PLA2G4A: variants seen among roughly 807,000 people sequenced by gnomAD.
PLA2G4A encodes phospholipase A2 group IVA, also known as cytosolic phospholipase A2.
Under a neutral mutation model 81.9 loss-of-function variants are expected in PLA2G4A, and 40 were observed. That is an observed-to-expected ratio of 0.49 (90% CI 0.38 to 0.64). The LOEUF (loss-of-function observed/expected upper bound fraction) is 0.64. Ranked by LOEUF, PLA2G4A falls within the 30% of genes least tolerant of loss-of-function variation. The pLI is 0.00. For synonymous variants in PLA2G4A, 302 were observed against 296.9 expected (o/e 1.02, Z -0.18); for missense variants, 715 against 905.1 (o/e 0.79, Z 2.69).
intron 14 of PLA2G4A, among the ~76,000 whole-genome samples, chr1:186,963,956 T>C (rs12720657): frequency 7.2e-5 from 11 of 152,224 alleles, no homozygotes; most frequent in Non-Finnish European, 1.0e-4. Context: ...TTGCTTTCCT[T>C]TTTGATTTCA....
rs1007896367 is a variant in PLA2G4A at position 186,891,533 on chromosome 1, A to T, written c.116-1478A>T. Among the ~76,000 whole-genome samples, 4 of 151,708 alleles carry T rather than the reference A, an allele frequency of 2.6e-5. No homozygotes were observed. In the South Asian group the frequency reaches 8.3e-4, roughly 32 times the overall value. Reference sequence around the variant, plus strand: ...TCAACTGTTTTGATTCTTAGATCCCACAAATAAGTGAGAATATGTGCTGTT... The same window carrying T: ...TCAACTGTTTTGATTCTTAGATCCCTCAAATAAGTGAGAATATGTGCTGTT... On this transcript the variant is annotated intron_variant, in intron 3 of 17. Transcript: ENST00000367466.
At position 186,956,167 on chromosome 1, in the gene PLA2G4A, A is replaced by G. The variant is rs766202632; in HGVS notation, c.1402A>G (p.Met468Val). The G allele has an allele frequency of 2.5e-6, 4 of 1,613,432 alleles. No homozygotes were observed. In the Admixed American group the frequency reaches 5.0e-5, roughly 20 times the overall value. The change falls in exon 14 of 18, where the codon ATG (methionine) becomes GTG (valine). Residue 468 changes from methionine to valine, a missense_variant. Physicochemically the swap from Met to Val is conservative, Grantham distance 21. Transcript: ENST00000367466. ...SDNQASWIHR[M>V]IMALVSDSAL... is the part of the protein sequence containing the mutation. Reference sequence around the variant, plus strand: ...TAATCAAGCAAGTTGGATTCATCGTATGATAATGGCCTTGGTGAGTGATTC... The same window carrying G: ...TAATCAAGCAAGTTGGATTCATCGTGTGATAATGGCCTTGGTGAGTGATTC...
chr1:186,909,364 T>TA (rs12720560), intron 6 of PLA2G4A, among the ~76,000 whole-genome samples: 87,575 of 150,450 alleles, frequency 0.58, 27,617 homozygotes, highest in African/African-American at 0.83. Context: ...AGATTAGACT[T>TA]AAAAGTGTTC....
intron 5 of PLA2G4A, among the ~76,000 whole-genome samples, chr1:186,897,866 T>G (rs1654391961): frequency 6.6e-6 from 1 of 152,180 alleles, no homozygotes; most frequent in Non-Finnish European, 1.5e-5. Context: ...TATATGGGTA[T>G]GTTGCATGAT....
At chr1:186,939,276 A>T in intron 9 of PLA2G4A, 46 bp downstream of exon 9, 1 of 799,488 alleles carries the variant, frequency 1.3e-6, no homozygotes. Flanking sequence ...AAGTAGACAG[A>T]ACATATTATA....
chr1:186,838,354 A>T (rs1198055741), intron 1 of PLA2G4A, among the ~76,000 whole-genome samples: 1 of 152,228 alleles, frequency 6.6e-6, no homozygotes, highest in Non-Finnish European at 1.5e-5. Flanking sequence ...CCAGTGCACT[A>T]AGCAAAACAA....
At chr1:186,937,709 C>T (rs1367330266) in intron 8 of PLA2G4A, among the ~76,000 whole-genome samples, 1 of 141,180 alleles carries the variant, frequency 7.1e-6, no homozygotes, top group African/African-American at 2.8e-5. Flanking sequence ...TCTCTAACAA[C>T]TGAAGTCTTG....
intron 6 of PLA2G4A, among the ~76,000 whole-genome samples, chr1:186,909,517 A>G (rs1479238973): frequency 2.0e-5 from 3 of 151,176 alleles, no homozygotes; most frequent in Admixed American, 2.0e-4. Context: ...AAAATTAGCC[A>G]GGTGTATTGG....
chr1:186,833,804 C>T (rs1360149345), intron 1 of PLA2G4A, among the ~76,000 whole-genome samples: 2 of 152,142 alleles, frequency 1.3e-5, no homozygotes, highest in East Asian at 1.9e-4. Context: ...TGTAAAGCTA[C>T]CCTACCAGTC....
At chr1:186,881,351 G>A (rs536679894) in intron 3 of PLA2G4A, among the ~76,000 whole-genome samples, 7 of 152,192 alleles carry the variant, frequency 4.6e-5, no homozygotes, top group East Asian at 1.9e-4. Context: ...CCACATTTGA[G>A]TTCCTAGGCA....
At chr1:186,847,660 T>G (rs1023859678) in intron 1 of PLA2G4A, among the ~76,000 whole-genome samples, 1 of 152,094 alleles carries the variant, frequency 6.6e-6, no homozygotes, top group Non-Finnish European at 1.5e-5. Context: ...TTCACAGTTA[T>G]AAAAGCATTG....
At chr1:186,938,039 C>A (rs1373944139) in intron 8 of PLA2G4A, among the ~76,000 whole-genome samples, 1 of 152,006 alleles carries the variant, frequency 6.6e-6, no homozygotes, top group Non-Finnish European at 1.5e-5. Flanking sequence ...GTGCTATTTT[C>A]TCCTTGGTTG....
At chr1:186,941,678 G>A (rs888654966) in intron 10 of PLA2G4A, among the ~76,000 whole-genome samples, 6 of 152,076 alleles carry the variant, frequency 3.9e-5, no homozygotes, top group African/African-American at 1.4e-4. Context: ...AGTGATTACC[G>A]TCTATATAGA....
chr1:186,970,357 G>T (rs1180845344), intron 15 of PLA2G4A, among the ~76,000 whole-genome samples: 2 of 151,898 alleles, frequency 1.3e-5, no homozygotes, highest in Non-Finnish European at 2.9e-5. Context: ...TCTGTGGTTC[G>T]TCTCTTTTCT....
chr1:186,869,546 C>T (rs1571349973), intron 2 of PLA2G4A, among the ~76,000 whole-genome samples: 1 of 152,150 alleles, frequency 6.6e-6, no homozygotes, highest in Non-Finnish European at 1.5e-5. Flanking sequence ...AATCTGTCTA[C>T]ACTTTTGACA....
intron 1 of PLA2G4A, among the ~76,000 whole-genome samples, chr1:186,835,105 A>G (rs539678835): frequency 5.3e-5 from 8 of 152,296 alleles, no homozygotes; most frequent in Non-Finnish European, 1.0e-4. Flanking sequence ...GCCACTAGAA[A>G]CATTAGGTCA....
intron 3 of PLA2G4A, among the ~76,000 whole-genome samples, chr1:186,887,606 T>A (rs1571368275): frequency 1.3e-5 from 2 of 148,466 alleles, no homozygotes; most frequent in African/African-American, 5.3e-5. Context: ...CTTCACCACA[T>A]GTTTGGCTGA....
At chr1:186,847,643 TA>T (rs1304980011) in intron 1 of PLA2G4A, among the ~76,000 whole-genome samples, 2 of 152,100 alleles carry the variant, frequency 1.3e-5, no homozygotes, top group Admixed American at 1.3e-4. Flanking sequence ...ATATAAAACT[TA>T]CCCACTTCAC....
At chr1:186,854,098 A>G (rs1472974670) in intron 1 of PLA2G4A, among the ~76,000 whole-genome samples, 188 bp from the exon 2 acceptor site, 2 of 151,948 alleles carry the variant, frequency 1.3e-5, no homozygotes, top group African/African-American at 4.8e-5. Context: ...GAAAATAAAC[A>G]GTATCATCCA....
Sources: allele counts gnomAD v4.1 joint callset (sites outside exome capture counted in the v4.1 genomes callset), GRCh38; gene constraint gnomAD v4.1.1; transcripts MANE v1.5; gene names NCBI Gene and HGNC (gene_info 2026-07-23, HGNC 2026-07-21).